ANKRD17: variants seen among roughly 807,000 people sequenced by gnomAD.
ANKRD17 encodes ankyrin repeat domain 17.
ANKRD17 carries 19 observed loss-of-function variants against 229.7 expected under a neutral mutation model. The observed-to-expected ratio is 0.08, with a 90% CI of 0.06 to 0.12. The LOEUF is 0.12. Among genes scored for constraint, ANKRD17 ranks in the 10% least tolerant of loss-of-function variants. ANKRD17 has a pLI of 1.00. For synonymous variants in ANKRD17, 1,112 were observed against 1,146.1 expected, an observed-to-expected ratio of 0.97 and a Z score of 0.60; for missense variants, 2,176 against 3,176.8, an observed-to-expected ratio of 0.68 and a Z score of 7.57.
intron 15 of ANKRD17, among the ~76,000 whole-genome samples, chr4:73,138,159 A>G (rs1297562523): frequency 6.6e-6 from 1 of 152,150 alleles, no homozygotes; most frequent in Non-Finnish European, 1.5e-5. Context: ...CTTTCACAGG[A>G]TATTTAATAA....
In ANKRD17 at chr4:73,076,799, G is replaced by A; in HGVS notation, c.7752+141C>T. 2.9e-6 allele frequency: 3 copies of A among 1,032,654 alleles called. No individual in the cohort carries two copies. The East Asian group carries it at 7.6e-5, about 26-fold the overall frequency. 64.0% of individuals were successfully genotyped at this position (1,032,654 alleles called of 1,614,324 possible). A position where few individuals can be genotyped will look rare whatever the true frequency, so the allele number is the denominator to read the frequency against. On this transcript the variant is annotated intron_variant, in intron 33 of 33. Transcript: ENST00000358602. ...TTGGTACCACTGCCCACAGCCCTCT[G>A]CTATATTGCAGCTATATTAGATTTC...
chr4:73,171,375 C>G (rs931782044), intron 2 of ANKRD17, among the ~76,000 whole-genome samples: 3 of 152,122 alleles, frequency 2.0e-5, no homozygotes, highest in Admixed American at 2.0e-4. Flanking sequence ...GGGTGCACCC[C>G]AATGCAGACA....
chr4:73,205,875 ATCT>A (rs1739370576), intron 1 of ANKRD17, among the ~76,000 whole-genome samples: 1 of 152,218 alleles, frequency 6.6e-6, no homozygotes, highest in African/African-American at 2.4e-5. Flanking sequence ...ACACATAAAA[ATCT>A]TAGTGGCAAG....
rs1405246167 is a variant in ANKRD17 at position 73,230,065 on chromosome 4, G to A, written c.393+28211C>T. Among the ~76,000 whole-genome samples, 8 of 152,056 alleles carry A rather than the reference G, an allele frequency of 5.3e-5. No homozygotes were observed. The East Asian group carries it at 7.7e-4, about 15-fold the overall frequency. On this transcript the variant is annotated intron_variant, in intron 1 of 33. Transcript: ENST00000358602. ...TCTCAGTTTCTTGGCATAGATTCCAGGTCTAATTTTGATGATTACATTTAA... is the reference window on the plus strand; with the variant it reads ...TCTCAGTTTCTTGGCATAGATTCCAAGTCTAATTTTGATGATTACATTTAA...
chr4:73,223,584 A>C (rs1412531693), intron 1 of ANKRD17, among the ~76,000 whole-genome samples: 1 of 152,192 alleles, frequency 6.6e-6, no homozygotes, highest in Non-Finnish European at 1.5e-5. Context: ...TTTAATAGTA[A>C]ATTGGTTTTT....
At chr4:73,241,400 A>T (rs1173456552) in intron 1 of ANKRD17, among the ~76,000 whole-genome samples, 1 of 152,194 alleles carries the variant, frequency 6.6e-6, no homozygotes, top group Non-Finnish European at 1.5e-5. Context: ...ATAAAATGTG[A>T]TCTATACATA....
In ANKRD17 at chr4:73,146,877, T is replaced by C. The variant is rs759906317; in HGVS notation, c.1760-4A>G. On this transcript the variant is annotated splice_polypyrimidine_tract_variant and splice_region_variant and intron_variant, in intron 9 of 33. Coordinates refer to ENST00000358602, the MANE Select transcript of ANKRD17 (RefSeq NM_032217.5). ...GTTGTTGCATGAACGTTAGCTCCTGTAGTAGTCAACAAATAATACATAGAC... is the reference window on the plus strand; with the variant it reads ...GTTGTTGCATGAACGTTAGCTCCTGCAGTAGTCAACAAATAATACATAGAC... The C allele has an allele frequency of 2.5e-6, 4 of 1,605,234 alleles. No individual in the cohort carries two copies. The highest frequency in any genetic ancestry group is 2.2e-5 in the East Asian group (1 of 44,776).
chr4:73,232,552 TAAA>T (rs1743144862), intron 1 of ANKRD17, among the ~76,000 whole-genome samples: 1 of 152,194 alleles, frequency 6.6e-6, no homozygotes, highest in Non-Finnish European at 1.5e-5. Context: ...CATCTTACAT[TAAA>T]AGAGTCACAT....
At position 73,120,283 on chromosome 4, in the gene ANKRD17, G is replaced by T; in HGVS notation, c.3904C>A (p.Arg1302=). Residue 1302 remains arginine, a synonymous_variant, in exon 21 of 34, where the codon CGA becomes AGA. Coordinates refer to ENST00000358602, the MANE Select transcript of ANKRD17 (RefSeq NM_032217.5). ...AASGGYAEVG[R]VLLDKGADVN... The stretch of plus-strand genomic sequence containing the variant: ...TCAGCACCTTTATCCAAAAGAACTC[G>T]GCCCACCTCCGCATATCCACCAGAG... The T allele has an allele frequency of 6.2e-7, 1 of 1,614,004 alleles. No individual in the cohort carries two copies. The highest frequency in any genetic ancestry group is 8.5e-7 in the Non-Finnish European group (1 of 1,179,968).
chr4:73,161,635 G>C (rs1464912987), intron 2 of ANKRD17, among the ~76,000 whole-genome samples: 1 of 152,186 alleles, frequency 6.6e-6, no homozygotes, highest in Non-Finnish European at 1.5e-5. Flanking sequence ...ATCTCTGAAA[G>C]AACGTATATT....
Position 73,091,786 on chromosome 4 carries a change from G to T in ANKRD17, c.5842C>A (p.Arg1948Ser), listed in dbSNP as rs1578017630. 1 of 1,614,166 alleles carries T rather than the reference G, an allele frequency of 6.2e-7. No individual in the cohort carries two copies. ...CCACTGCTATTCTGATTGCTATGGC[G>T]AGGCACCATGTGAGGCTTAGGCGAG... ...TNSPKPHMVP[R>S]HSNQNSSGSQ... Residue 1948 changes from arginine to serine, a missense_variant, in exon 29 of 34, where the codon CGC (arginine) becomes AGC (serine). This residue lies in a region of ANKRD17 where 424 missense variants were observed against 454.0 expected (regional missense o/e 0.93). Coordinates refer to ENST00000358602, the MANE Select transcript of ANKRD17 (RefSeq NM_032217.5).
chr4:73,132,753 A>T (rs750952910), intron 16 of ANKRD17, among the ~76,000 whole-genome samples: 2 of 152,186 alleles, frequency 1.3e-5, no homozygotes, highest in Non-Finnish European at 2.9e-5. Flanking sequence ...ATAGTTGGTG[A>T]GTGGTACAGC....
At chr4:73,107,050 G>A (rs560936440) in intron 24 of ANKRD17, among the ~76,000 whole-genome samples, 1 of 152,140 alleles carries the variant, frequency 6.6e-6, no homozygotes, top group Admixed American at 6.5e-5. Context: ...GGAAGTGGAT[G>A]GAACAGAAGG....
intron 16 of ANKRD17, among the ~76,000 whole-genome samples, chr4:73,134,101 C>T (rs1728592639): frequency 6.6e-6 from 1 of 152,036 alleles, no homozygotes; most frequent in Non-Finnish European, 1.5e-5. Context: ...AGACATTTGG[C>T]CAACAAGTAA....
chr4:73,226,387 CTGTT>C (rs1308861246), intron 1 of ANKRD17, among the ~76,000 whole-genome samples: 3 of 122,170 alleles, frequency 2.5e-5, no homozygotes, highest in Non-Finnish European at 3.4e-5. Flanking sequence ...TTCTTTTCTT[CTGTT>C]TTTTTTTTTT....
At chr4:73,246,540 A>G (rs1054416514) in intron 1 of ANKRD17, among the ~76,000 whole-genome samples, 1 of 152,154 alleles carries the variant, frequency 6.6e-6, no homozygotes, top group African/African-American at 2.4e-5. Flanking sequence ...CAGAAGGGTG[A>G]GCCCAATTCT....
intron 1 of ANKRD17, among the ~76,000 whole-genome samples, chr4:73,221,758 C>T (rs1463501191): frequency 1.3e-5 from 2 of 152,084 alleles, no homozygotes; most frequent in African/African-American, 4.8e-5. Context: ...CACAATTCAA[C>T]TTAGACCTAA....
rs1238817334 is a variant in ANKRD17 at position 73,091,003 on chromosome 4, T to G, written c.6625A>C (p.Lys2209Gln). 6.2e-7 allele frequency: 1 copy of G among 1,614,224 alleles called. No homozygotes were observed. The highest frequency in any genetic ancestry group is 1.1e-5 in the South Asian group (1 of 91,080). Residue 2209 changes from lysine (K) to glutamine (Q), a missense_variant, in exon 29 of 34, where the codon AAA becomes CAA. Around this residue, in one of 18 missense-constraint regions of ANKRD17, gnomAD observed 424 missense variants for 454.0 expected, o/e 0.93. Coordinates refer to ENST00000358602, the MANE Select transcript of ANKRD17 (RefSeq NM_032217.5). Reference protein sequence around the residue: ...SVAVLSVNHIKRPHSVPSSVQ... With the variant: ...SVAVLSVNHIQRPHSVPSSVQ... ...GAAGAGGGAACACTGTGAGGTCTTT[T>G]AATGTGATTGACACTGAGGACTGCA...
chr4:73,209,043 A>G (rs372199118), intron 1 of ANKRD17, among the ~76,000 whole-genome samples: 12 of 151,956 alleles, frequency 7.9e-5, no homozygotes, highest in African/African-American at 2.4e-4. Context: ...CCCCTCTACT[A>G]AAAAATACAA....
Sources: gnomAD v4.1 joint callset for allele counts (sites outside exome capture counted in the v4.1 genomes callset) on GRCh38, gnomAD v4.1.1 for gene constraint, gnomAD v4.1.1 regional missense constraint, MANE v1.5 for transcripts, NCBI Gene and HGNC (gene_info 2026-07-23, HGNC 2026-07-21) for gene names.